SCARA3: variants seen among roughly 807,000 people sequenced by gnomAD.
SCARA3 encodes the protein scavenger receptor class A member 3.
SCARA3 carries 39 observed loss-of-function variants against 47.0 expected under a neutral mutation model. That is an observed-to-expected ratio of 0.83 (90% CI 0.64 to 1.08). The LOEUF (loss-of-function observed/expected upper bound fraction) is 1.08, where lower values mean the gene tolerates loss of function less well. Ranked by LOEUF, SCARA3 falls within the 50% of genes least tolerant of loss-of-function variation. The probability of loss-of-function intolerance (pLI) is 0.00; values close to 1 mark genes in which losing one functional copy is unlikely to be tolerated. For synonymous variants in SCARA3, 356 were observed against 334.1 expected, an observed-to-expected ratio of 1.07 and a Z score of -0.71; for missense variants, 724 against 792.3, an observed-to-expected ratio of 0.91 and a Z score of 1.04.
chr8:27,676,700 T>C (rs1257648512), downstream of SCARA3: 3 of 712,046 alleles, frequency 4.2e-6, no homozygotes, highest in Non-Finnish European at 7.5e-6. Context: ...GCACATATTA[T>C]GCCTTGAGAC....
At chr8:27,731,290 G>A in the SCARA3 span, among the ~76,000 whole-genome samples, 1 of 151,198 alleles carries the variant, frequency 6.6e-6, no homozygotes. Flanking sequence ...TGTAGAGAGA[G>A]GGTCTCAGTA....
chr8:27,657,003 C>A (rs1801758225), intron 4 of SCARA3, 123 bp downstream of exon 4: 1 of 666,394 alleles, frequency 1.5e-6, no homozygotes, highest in African/African-American at 1.8e-5. Context: ...CAGAGGCTAT[C>A]CCCAGCTCCC....
At chr8:27,669,190 G>A (rs1478290179) in intron 5 of SCARA3, among the ~76,000 whole-genome samples, 1 of 152,200 alleles carries the variant, frequency 6.6e-6, no homozygotes, top group Non-Finnish European at 1.5e-5. Flanking sequence ...GGAGTGGCAG[G>A]AGAAGGGGTC....
chr8:27,705,880 A>G, the SCARA3 span, among the ~76,000 whole-genome samples: 1 of 152,260 alleles, frequency 6.6e-6, no homozygotes, highest in Non-Finnish European at 1.5e-5. Context: ...GACTTGCAAG[A>G]TAAGTAGGAG....
At chr8:27,691,603 C>A in the SCARA3 span, among the ~76,000 whole-genome samples, 1 of 152,264 alleles carries the variant, frequency 6.6e-6, no homozygotes, top group East Asian at 1.9e-4. Flanking sequence ...CTACCTCTGG[C>A]AATTCCTGTA....
At chr8:27,660,716 T>TAGAC (rs1801889872) in intron 5 of SCARA3, among the ~76,000 whole-genome samples, 1 of 150,214 alleles carries the variant, frequency 6.7e-6, no homozygotes, top group Non-Finnish European at 1.5e-5. Context: ...GATAGATAGA[T>TAGAC]AGATAGATAG....
At chr8:27,663,299 C>A (rs2128922136) in intron 5 of SCARA3, among the ~76,000 whole-genome samples, 1 of 152,364 alleles carries the variant, frequency 6.6e-6, no homozygotes, top group South Asian at 2.1e-4. Flanking sequence ...GCAGAACCAT[C>A]TGTAAACCAG....
At chr8:27,659,681 C>A (rs988038794) in intron 5 of SCARA3, 142 bp downstream of exon 5, 5 of 698,526 alleles carry the variant, frequency 7.2e-6, no homozygotes, top group Non-Finnish European at 9.4e-6. Context: ...CAGTCGGCAG[C>A]TTTAAGAAAT....
intron 1 of SCARA3, 118 bp from the exon 2 acceptor site, chr8:27,649,584 G>T: frequency 2.1e-6 from 2 of 930,888 alleles, no homozygotes; most frequent in Non-Finnish European, 3.4e-6. Flanking sequence ...GCCACCTGGA[G>T]CTCAGTGAGC....
At chr8:27,694,209 C>T in the SCARA3 span, among the ~76,000 whole-genome samples, 1 of 152,110 alleles carries the variant, frequency 6.6e-6, no homozygotes, top group Admixed American at 6.6e-5. Flanking sequence ...AAGTAAGAAT[C>T]CTTACTTCAT....
At chr8:27,646,140 C>A (rs1019830772) in intron 1 of SCARA3, among the ~76,000 whole-genome samples, 1 of 152,082 alleles carries the variant, frequency 6.6e-6, no homozygotes, top group African/African-American at 2.4e-5. Flanking sequence ...AGAGAGAAGA[C>A]CTCTTTGGGG....
chr8:27,683,917 A>G, the SCARA3 span, among the ~76,000 whole-genome samples: 2 of 152,130 alleles, frequency 1.3e-5, no homozygotes, highest in African/African-American at 4.8e-5. Flanking sequence ...CTCAAAAACT[A>G]TGTAATGAAG....
chr8:27,683,492 T>C, the SCARA3 span, among the ~76,000 whole-genome samples: 1 of 152,210 alleles, frequency 6.6e-6, no homozygotes, highest in Non-Finnish European at 1.5e-5. Flanking sequence ...TATAATATTT[T>C]ACTCAGTAGA....
At chr8:27,699,670 T>A in the SCARA3 span, among the ~76,000 whole-genome samples, 1 of 152,176 alleles carries the variant, frequency 6.6e-6, no homozygotes, top group African/African-American at 2.4e-5. Context: ...GGCTCACACC[T>A]GCAATCCCAG....
chr8:27,645,204 A>C lies in SCARA3; in HGVS notation c.8-4498A>C, dbSNP rs564325215. Among the ~76,000 whole-genome samples the C allele has an allele frequency of 1.9e-4, 29 of 152,358 alleles. 1 individual carries two copies. The South Asian group carries it at 6.0e-3, about 32-fold the overall frequency. On this transcript the variant is annotated intron_variant, in intron 1 of 5. Transcript: ENST00000301904. ...TAGCCATGGAGAATCCTAAGAATAAACCAGATTCCAACCCTATTTTAAGTC... is the reference window on the plus strand; with the variant it reads ...TAGCCATGGAGAATCCTAAGAATAACCCAGATTCCAACCCTATTTTAAGTC...
chr8:27,705,654 T>A, the SCARA3 span, among the ~76,000 whole-genome samples: 2 of 152,246 alleles, frequency 1.3e-5, no homozygotes, highest in African/African-American at 4.8e-5. Flanking sequence ...ACTTAGTGTG[T>A]ACCATGTGCC....
chr8:27,677,189 C>T (rs879567462), downstream of SCARA3, among the ~76,000 whole-genome samples: 2 of 152,214 alleles, frequency 1.3e-5, no homozygotes, highest in Non-Finnish European at 2.9e-5. Flanking sequence ...ACAGAAAAGG[C>T]AACTTCCAGA....
At chr8:27,707,482 A>AG in the SCARA3 span, among the ~76,000 whole-genome samples, 10 of 151,484 alleles carry the variant, frequency 6.6e-5, no homozygotes, top group African/African-American at 2.4e-4. Flanking sequence ...TAATAAGTCA[A>AG]AAAAAAACAT....
the SCARA3 span, among the ~76,000 whole-genome samples, chr8:27,717,144 C>A: frequency 6.6e-6 from 1 of 152,146 alleles, no homozygotes; most frequent in African/African-American, 2.4e-5. Context: ...GACATGGAAC[C>A]TGACTGGGTA....
Sources: allele counts gnomAD v4.1 joint callset (sites outside exome capture counted in the v4.1 genomes callset), GRCh38; gene constraint gnomAD v4.1.1; transcripts MANE v1.5; gene names NCBI Gene and HGNC (gene_info 2026-07-23, HGNC 2026-07-21).